Variants in HORMAD2 observed in about 807,000 individuals in gnomAD.
The protein encoded by HORMAD2 is HORMA domain containing 2, also known as HORMA domain-containing protein 2.
Under a neutral mutation model 38.8 loss-of-function variants are expected in HORMAD2, and 45 were observed. That is an observed-to-expected ratio of 1.16 (90% confidence interval 0.91 to 1.49). The LOEUF is 1.49. Ranked by LOEUF, HORMAD2 falls within the 40% of genes most tolerant of loss-of-function variation. The pLI, the probability that HORMAD2 is intolerant of heterozygous loss-of-function variation, is 0.00. For missense variants in HORMAD2, 338 were observed against 367.0 expected (o/e 0.92, Z 0.65); for synonymous variants, 126 against 122.8 (o/e 1.03, Z -0.17).
upstream of HORMAD2, among the ~76,000 whole-genome samples, chr22:30,078,714 T>C (rs1297749750): frequency 6.8e-6 from 1 of 146,506 alleles, no homozygotes; most frequent in Non-Finnish European, 1.5e-5. Flanking sequence ...CTGCCAATAG[T>C]ATAGGGCAGA....
chr22:30,114,246 C>T (rs542260767), intron 7 of HORMAD2, among the ~76,000 whole-genome samples: 79 of 152,242 alleles, frequency 5.2e-4, no homozygotes, highest in Admixed American at 8.5e-4. Context: ...ACAGAGTGTT[C>T]CCCTTATGGG....
rs763365800 is a variant in HORMAD2, at chr22:30,103,477, C to T, written c.234C>T (p.Pro78=). The change falls in exon 4 of 11, where the codon CCC becomes CCT. Residue 78 remains proline, a synonymous_variant. Transcript: ENST00000336726. ...LKILREDKKC[P]GSLHIIRWIQ... Reference sequence around the variant, plus strand: ...TCCTCCGAGAAGATAAAAAATGTCCCGGGTCACTGCATATTATCAGATGGT... The same window carrying T: ...TCCTCCGAGAAGATAAAAAATGTCCTGGGTCACTGCATATTATCAGATGGT... 5.4e-5 allele frequency: 83 copies of T among 1,530,830 alleles called. No individual in the cohort carries two copies. Among genetic ancestry groups the T allele is most frequent in the Admixed American group, 9.7e-5 (5 of 51,480 alleles). The allele number at this position is 1,530,830 out of a possible 1,614,324, so 94.8% of individuals were successfully genotyped here. A position where few individuals can be genotyped will look rare whatever the true frequency, so the allele number is the denominator to read the frequency against.
chr22:30,167,001 C>T (rs192565676), intron 10 of HORMAD2, among the ~76,000 whole-genome samples: 3 of 152,306 alleles, frequency 2.0e-5, no homozygotes, highest in Non-Finnish European at 4.4e-5. Context: ...AAAATGTATT[C>T]TCTCACAATT....
the HORMAD2 span, among the ~76,000 whole-genome samples, chr22:30,190,097 G>A: frequency 6.6e-6 from 1 of 152,150 alleles, no homozygotes; most frequent in African/African-American, 2.4e-5. Flanking sequence ...GCTTGGGTGA[G>A]CAATTCAGCA....
chr22:30,146,115 GA>G (rs1924397367), intron 10 of HORMAD2, among the ~76,000 whole-genome samples: 1 of 152,190 alleles, frequency 6.6e-6, no homozygotes, highest in African/African-American at 2.4e-5. Context: ...GTTACAGAAT[GA>G]AGGAGAAGAA....
In HORMAD2 at chr22:30,131,069, T is replaced by C. The variant is rs193117837; in HGVS notation, c.819+8855T>C. 1.3e-5 allele frequency among the ~76,000 whole-genome samples: 2 copies of C among 152,320 alleles called. 1 individual carries two copies. Among genetic ancestry groups the C allele is most frequent in the Non-Finnish European group, 2.9e-5 (2 of 68,028 alleles). On this transcript the variant is annotated intron_variant, in intron 10 of 10. Transcript: ENST00000336726. ...GAAGACAACTTCCCCTAAAGATCCT[T>C]AGACAGGTTTCTTCAAAGAACTGAC...
chr22:30,154,205 A>G (rs1924930648), intron 10 of HORMAD2, among the ~76,000 whole-genome samples: 1 of 152,222 alleles, frequency 6.6e-6, no homozygotes, highest in South Asian at 2.1e-4. Flanking sequence ...AATAGTCACT[A>G]GATAGGTTAG....
At chr22:30,148,513 A>G (rs946383667) in intron 10 of HORMAD2, among the ~76,000 whole-genome samples, 1 of 152,116 alleles carries the variant, frequency 6.6e-6, no homozygotes, top group Non-Finnish European at 1.5e-5. Flanking sequence ...AAATAGGTGC[A>G]TTTTTTACAT....
At chr22:30,139,878 AT>A (rs906384294) in intron 10 of HORMAD2, among the ~76,000 whole-genome samples, 7 of 152,018 alleles carry the variant, frequency 4.6e-5, no homozygotes, top group Middle Eastern at 3.2e-3. Context: ...AATGTATTAC[AT>A]TAGCTGATTT....
intron 10 of HORMAD2, among the ~76,000 whole-genome samples, chr22:30,173,443 T>C (rs950919580): frequency 6.6e-6 from 1 of 152,118 alleles, no homozygotes; most frequent in African/African-American, 2.4e-5. Context: ...GGAGGTAGGA[T>C]CAAAAGGAAT....
chr22:30,103,224 C>A (rs545868863), intron 3 of HORMAD2, among the ~76,000 whole-genome samples: 12 of 152,182 alleles, frequency 7.9e-5, no homozygotes, highest in Admixed American at 3.3e-4. Context: ...GGGGGAAAAT[C>A]CTTACTGTAA....
At chr22:30,112,463 GA>G in intron 6 of HORMAD2, 32 bp from the exon 7 acceptor site, 1 of 1,239,782 alleles carries the variant, frequency 8.1e-7, no homozygotes, top group Non-Finnish European at 1.1e-6. Context: ...GTAAATTCCA[GA>G]AATTAAATGA....
At chr22:30,145,320 T>G (rs934227140) in intron 10 of HORMAD2, among the ~76,000 whole-genome samples, 4 of 152,136 alleles carry the variant, frequency 2.6e-5, no homozygotes, top group Admixed American at 6.5e-5. Flanking sequence ...GGAGGAATTT[T>G]GGGGCTGATG....
rs78994331 is a variant in HORMAD2 at position 30,103,152 on chromosome 22, C to G, written c.194-285C>G. On this transcript the variant is annotated intron_variant, in intron 3 of 10. Transcript: ENST00000336726. ...TACCTCATAATTACTTAGAATTCTA[C>G]AGCGGCAAAGAAAGGACACAAATTG... is the stretch of plus-strand genomic sequence containing the variant. Among the ~76,000 whole-genome samples, 1,126 of 152,182 alleles carry G rather than the reference C, an allele frequency of 7.4e-3. 15 individuals are homozygous for G. Among genetic ancestry groups the G allele is most frequent in the African/African-American group, 0.026 (1,092 of 41,500 alleles).
intron 5 of HORMAD2, among the ~76,000 whole-genome samples, chr22:30,107,543 G>A (rs1379042833): frequency 5.9e-5 from 9 of 152,024 alleles, no homozygotes; most frequent in Admixed American, 2.6e-4. Context: ...GAACCCAGGA[G>A]TTTGAGACCG....
intron 5 of HORMAD2, among the ~76,000 whole-genome samples, chr22:30,110,825 T>G (rs915862579): frequency 2.6e-5 from 4 of 152,110 alleles, no homozygotes; most frequent in Admixed American, 6.5e-5. Context: ...TGGCCCTCTG[T>G]ATCTGTGGCT....
At chr22:30,180,568 T>C (rs143641673), downstream of HORMAD2, among the ~76,000 whole-genome samples, 4 of 152,186 alleles carry the variant, frequency 2.6e-5, no homozygotes, top group Admixed American at 1.3e-4. Flanking sequence ...ATATTTCATC[T>C]CTCTAGCCCC....
chr22:30,112,849 CT>C (rs1166908070), intron 7 of HORMAD2, among the ~76,000 whole-genome samples: 1 of 151,844 alleles, frequency 6.6e-6, no homozygotes, highest in Non-Finnish European at 1.5e-5. Flanking sequence ...TTTTTATGAA[CT>C]TTTTTTCCGA....
the HORMAD2 span, among the ~76,000 whole-genome samples, chr22:30,186,277 T>G: frequency 1.3e-5 from 2 of 151,886 alleles, no homozygotes; most frequent in Non-Finnish European, 2.9e-5. Context: ...ACAGCATCAG[T>G]GGTGATTTTA....
Sources: allele counts gnomAD v4.1 joint callset (sites outside exome capture counted in the v4.1 genomes callset), GRCh38; gene constraint gnomAD v4.1.1; transcripts MANE v1.5; gene names NCBI Gene and HGNC (gene_info 2026-07-23, HGNC 2026-07-21).